ALK: variants seen among roughly 807,000 people sequenced by gnomAD.
ALK encodes the protein ALK receptor tyrosine kinase, also known as ALK tyrosine kinase receptor.
A neutral mutation model predicts 163.1 loss-of-function variants in ALK; 74 were observed. That is an observed-to-expected ratio of 0.45 (90% CI 0.38 to 0.55). The LOEUF (loss-of-function observed/expected upper bound fraction) is 0.55. Among genes scored for constraint, ALK ranks in the 20% least tolerant of loss-of-function variants. ALK has a pLI of 0.00. For synonymous variants in ALK, 960 were observed against 843.2 expected (o/e 1.14, Z -2.40); for missense variants, 2,063 against 2,105.3 (o/e 0.98, Z 0.39).
intron 5 of ALK, among the ~76,000 whole-genome samples, chr2:29,341,627 A>C (rs1355339416): frequency 6.6e-6 from 1 of 152,226 alleles, no homozygotes; most frequent in East Asian, 1.9e-4. Flanking sequence ...ATCTCTCAAA[A>C]AAAAAGTGCT....
chr2:29,784,358 AC>A (rs1330539427), intron 1 of ALK, among the ~76,000 whole-genome samples: 8 of 152,216 alleles, frequency 5.3e-5, no homozygotes, highest in Non-Finnish European at 1.0e-4. Flanking sequence ...TGGTAGGAAC[AC>A]ATCTGTCTCA....
intron 4 of ALK, among the ~76,000 whole-genome samples, chr2:29,531,523 T>A (rs1303551529): frequency 6.6e-6 from 1 of 152,164 alleles, no homozygotes; most frequent in African/African-American, 2.4e-5. Context: ...CTTTGTCCTT[T>A]CCCTTCCTGC....
chr2:29,795,962 C>G (rs1389784103), intron 1 of ALK, among the ~76,000 whole-genome samples: 2 of 152,144 alleles, frequency 1.3e-5, no homozygotes, highest in East Asian at 3.8e-4. Flanking sequence ...GGCCTTCGAA[C>G]TGCTTTTCCT....
intron 5 of ALK, among the ~76,000 whole-genome samples, chr2:29,374,250 A>G (rs1352733293): frequency 6.6e-6 from 1 of 152,186 alleles, no homozygotes; most frequent in Non-Finnish European, 1.5e-5. Context: ...TAATTTCCCA[A>G]AAAACCTATA....
chr2:29,869,517 C>A lies in ALK; in HGVS notation c.667+50476G>T, dbSNP rs6720295. On this transcript the variant is annotated intron_variant, in intron 1 of 28. Transcript: ENST00000389048. ...GCATCACAAATCAGTAAGGAAGGAA[C>A]GAATTATTTTAAAATCAACACTGGA... Among the ~76,000 whole-genome samples the A allele has an allele frequency of 2.6e-5, 4 of 151,776 alleles. No homozygotes were observed. In the South Asian group the frequency reaches 8.3e-4, roughly 31 times the overall value.
chr2:29,345,522 G>A (rs1012101627), intron 5 of ALK, among the ~76,000 whole-genome samples: 2 of 151,914 alleles, frequency 1.3e-5, no homozygotes, highest in African/African-American at 4.8e-5. Flanking sequence ...CTGGTGAGAA[G>A]GTGAACTGGG....
chr2:29,816,384 C>A (rs952224190), intron 1 of ALK, among the ~76,000 whole-genome samples: 1 of 152,104 alleles, frequency 6.6e-6, no homozygotes, highest in Non-Finnish European at 1.5e-5. Context: ...TACTTACATA[C>A]ATATATGAAA....
chr2:29,831,856 T>C (rs1321297582), intron 1 of ALK, among the ~76,000 whole-genome samples: 2 of 152,234 alleles, frequency 1.3e-5, no homozygotes, highest in South Asian at 2.1e-4. Context: ...TGTGAGCATC[T>C]GTCTGGGTTA....
intron 11 of ALK, among the ~76,000 whole-genome samples, chr2:29,261,731 C>T (rs1338419769): frequency 6.6e-6 from 1 of 152,114 alleles, no homozygotes; most frequent in Non-Finnish European, 1.5e-5. Context: ...CACTAAATGG[C>T]CTCAGGCATA....
intron 3 of ALK, among the ~76,000 whole-genome samples, chr2:29,595,706 C>T (rs2148210498): frequency 6.6e-6 from 1 of 152,120 alleles, no homozygotes; most frequent in East Asian, 1.9e-4. Flanking sequence ...GTAGGGGGAA[C>T]AGAGAGGAAG....
Position 29,246,136 on chromosome 2 carries a change from T to C in ALK, c.2204+4969A>G, listed in dbSNP as rs1411088504. On this transcript the variant is annotated intron_variant, in intron 12 of 28. Transcript: ENST00000389048. This position sits in a 1 kb window ranked among gnomAD's most constrained non-coding sequence, Gnocchi z 4.3. ...TATACGATCTGTGTGTGTATGGTAG[T>C]GGGTGGGGAGGAGATGGGGGCAGGA... is the stretch of plus-strand genomic sequence containing the variant. 2.1e-5 allele frequency among the ~76,000 whole-genome samples: 3 copies of C among 141,422 alleles called. No individual in the cohort carries two copies. Among genetic ancestry groups the C allele is most frequent in the Non-Finnish European group, 4.6e-5 (3 of 64,738 alleles). 92.8% of individuals were successfully genotyped at this position (141,422 alleles called of 152,430 possible).
At chr2:29,631,223 G>A (rs1268375770) in intron 3 of ALK, among the ~76,000 whole-genome samples, 3 of 152,342 alleles carry the variant, frequency 2.0e-5, no homozygotes, top group African/African-American at 2.4e-5. Flanking sequence ...TTGAACAAGC[G>A]ATGATTTGGG....
rs149145987 is a variant in ALK, at chr2:29,694,927, C to A, written c.875G>T (p.Arg292Leu). The change falls in exon 3 of 29, where the codon CGC becomes CTC. Residue 292 changes from arginine to leucine, a missense_variant. Arg to Leu is a moderately radical substitution (Grantham distance 102). Coordinates refer to ENST00000389048, the MANE Select transcript of ALK (RefSeq NM_004304.5). ...CTGGGAGGCCTCCTCGGAGGGGATG[C>A]GGCGCCAGGACCAGCTCTGGTTCCT... Reference protein sequence around the residue: ...DLRNQSWSWRRIPSEEASQMD... With the variant: ...DLRNQSWSWRLIPSEEASQMD... The A allele has an allele frequency of 6.2e-6, 10 of 1,614,092 alleles. No homozygotes were observed. The highest frequency in any genetic ancestry group is 8.5e-6 in the Non-Finnish European group (10 of 1,179,998).
At chr2:29,455,436 G>C (rs1041880809) in intron 4 of ALK, among the ~76,000 whole-genome samples, 1 of 152,148 alleles carries the variant, frequency 6.6e-6, no homozygotes, top group African/African-American at 2.4e-5. Context: ...GTGTGCGGGG[G>C]ACAGAAATGG....
At chr2:29,835,121 A>C (rs1019334351) in intron 1 of ALK, among the ~76,000 whole-genome samples, 8 of 152,220 alleles carry the variant, frequency 5.3e-5, no homozygotes, top group African/African-American at 1.9e-4. Context: ...TGTGCAGCAA[A>C]AGGCTGAGTA....
At chr2:29,882,752 G>T (rs1440214289) in intron 1 of ALK, among the ~76,000 whole-genome samples, 1 of 152,110 alleles carries the variant, frequency 6.6e-6, no homozygotes, top group Non-Finnish European at 1.5e-5. Context: ...AGTCAAAAGG[G>T]CTGTTTATGT....
At chr2:29,795,349 C>T (rs1664281751) in intron 1 of ALK, among the ~76,000 whole-genome samples, 1 of 152,126 alleles carries the variant, frequency 6.6e-6, no homozygotes, top group African/African-American at 2.4e-5. Context: ...GATAAGCATT[C>T]TTATACACTT....
At chr2:29,392,979 A>AGTTCAAGGTCACTGAAT (rs137983894) in intron 4 of ALK, among the ~76,000 whole-genome samples, 148,198 of 151,608 alleles carry the variant, frequency 0.98, 72,525 homozygotes, top group Middle Eastern at 1. Context: ...GATCACTCAA[A>AGTTCAAGGTCACTGAAT]GTTCAAGGTC....
intron 1 of ALK, among the ~76,000 whole-genome samples, chr2:29,857,054 G>A (rs527608997): frequency 1.8e-4 from 28 of 152,326 alleles, no homozygotes; most frequent in African/African-American, 6.3e-4. Context: ...GGAAACATCC[G>A]GAGGAGGCGA....
Sources: gnomAD v4.1 joint callset for allele counts (sites outside exome capture counted in the v4.1 genomes callset) on GRCh38, gnomAD v4.1.1 for gene constraint, Gnocchi (gnomAD v3.1) non-coding constraint, MANE v1.5 for transcripts, NCBI Gene and HGNC (gene_info 2026-07-23, HGNC 2026-07-21) for gene names.